TPO: variants seen among roughly 807,000 people sequenced by gnomAD.
TPO encodes thyroid peroxidase.
In TPO, 78 loss-of-function variants were observed where a neutral mutation model predicts 96.9. That is an observed-to-expected ratio of 0.81 (90% CI 0.67 to 0.97). TPO has a LOEUF of 0.97. Among genes scored for constraint, TPO ranks in the 50% least tolerant of loss-of-function variants. TPO has a pLI of 0.00. For synonymous variants in TPO, 547 were observed against 538.0 expected, an observed-to-expected ratio of 1.02 and a Z score of -0.23; for missense variants, 1,252 against 1,274.8, an observed-to-expected ratio of 0.98 and a Z score of 0.27.
intron 7 of TPO, among the ~76,000 whole-genome samples, chr2:1,476,838 C>T (rs1669981039): frequency 1.3e-5 from 2 of 150,474 alleles, no homozygotes; most frequent in South Asian, 2.1e-4. Flanking sequence ...AAGAGACCAC[C>T]GGTGAGCAGG....
chr2:1,392,418 G>A (rs1662016346), intron 1 of TPO, among the ~76,000 whole-genome samples: 1 of 152,172 alleles, frequency 6.6e-6, no homozygotes, highest in Admixed American at 6.5e-5. Context: ...GTATTTTATT[G>A]AGGATTTTTG....
At chr2:1,382,118 C>T (rs1045257878) in intron 1 of TPO, among the ~76,000 whole-genome samples, 3 of 152,154 alleles carry the variant, frequency 2.0e-5, no homozygotes, top group African/African-American at 7.2e-5. Flanking sequence ...TGCATCTCCA[C>T]GACTGCACAG....
At chr2:1,397,365 T>C (rs115017425) in intron 1 of TPO, among the ~76,000 whole-genome samples, 1,873 of 152,260 alleles carry the variant, frequency 0.012, 26 homozygotes, top group South Asian at 0.021. Flanking sequence ...CTGACTTCCA[T>C]AGGTATGTGA....
rs369291109 is a variant in TPO at position 1,438,610 on chromosome 2, G to A, written c.482+2226G>A. ...ACCCTGCCCCACGTCCCTCCTCCAC[G>A]TCAGGGGGATGATGAATTCAGCCAT... On this transcript the variant is annotated intron_variant, in intron 5 of 16. Coordinates refer to ENST00000329066, the MANE Select transcript of TPO (RefSeq NM_001206744.2). Among the ~76,000 whole-genome samples, 7 of 27,216 alleles carry A rather than the reference G, an allele frequency of 2.6e-4. No homozygotes were observed. In the East Asian group the frequency reaches 3.9e-3, roughly 15 times the overall value. The allele number at this position is 27,216 out of a possible 152,430, so 17.9% of individuals were successfully genotyped here.
chr2:1,530,084 C>A (rs1172255057), intron 15 of TPO, among the ~76,000 whole-genome samples: 2 of 144,456 alleles, frequency 1.4e-5, no homozygotes, highest in African/African-American at 5.3e-5. Context: ...GCAACCTCCT[C>A]AAATCCCCCC....
chr2:1,456,052 G>A (rs1363775359), intron 6 of TPO, 24 bp from the exon 7 acceptor site: 2 of 1,610,638 alleles, frequency 1.2e-6, no homozygotes, highest in Non-Finnish European at 8.5e-7. Context: ...CCTATGTCCT[G>A]ACCAATGGTC....
chr2:1,421,887 G>A (rs982200294), intron 2 of TPO, among the ~76,000 whole-genome samples: 1 of 152,188 alleles, frequency 6.6e-6, no homozygotes, highest in Non-Finnish European at 1.5e-5. Context: ...ACACATTGGC[G>A]TAAAGCCAGG....
intron 2 of TPO, among the ~76,000 whole-genome samples, chr2:1,418,267 AGAGT>A (rs1228100824): frequency 6.6e-6 from 1 of 150,866 alleles, no homozygotes; most frequent in Non-Finnish European, 1.5e-5. Context: ...TCTAGGTGAC[AGAGT>A]GAGAATCCAT....
At chr2:1,422,648 T>C (rs1448301355) in intron 2 of TPO, among the ~76,000 whole-genome samples, 1 of 152,206 alleles carries the variant, frequency 6.6e-6, no homozygotes, top group Non-Finnish European at 1.5e-5. Flanking sequence ...AGTGCTTTCA[T>C]TGGAAACTAC....
intron 7 of TPO, among the ~76,000 whole-genome samples, chr2:1,468,087 T>C (rs1280208178): frequency 6.6e-6 from 1 of 151,948 alleles, no homozygotes; most frequent in African/African-American, 2.4e-5. Flanking sequence ...TCCTTATGTG[T>C]TAGGCATGTC....
chr2:1,387,734 C>G (rs1661925402), intron 1 of TPO, among the ~76,000 whole-genome samples: 2 of 152,220 alleles, frequency 1.3e-5, no homozygotes, highest in Admixed American at 6.5e-5. Context: ...CTTTGTCCAG[C>G]TTTGTTCCAT....
In TPO at chr2:1,402,612, G is replaced by T. The variant is rs1662190361; in HGVS notation, n.180+28210G>T. Among the ~76,000 whole-genome samples, 4 of 152,298 alleles carry T rather than the reference G, an allele frequency of 2.6e-5. No individual in the cohort carries two copies. In the South Asian group the frequency reaches 8.3e-4, roughly 32 times the overall value. ...AGGCCTCACAATCATGGCAGAAGGT[G>T]AAAGGCATGTCTTACATGGTGGCAG... On this transcript the variant is annotated intron_variant and non_coding_transcript_variant, in intron 1 of 5. Coordinates refer to the TPO transcript ENST00000497517.
At chr2:1,481,098 C>T (rs1670600849) in intron 8 of TPO, among the ~76,000 whole-genome samples, 1 of 152,128 alleles carries the variant, frequency 6.6e-6, no homozygotes, top group Non-Finnish European at 1.5e-5. Flanking sequence ...GGCTTGAGAT[C>T]CCACAGGACC....
At chr2:1,422,899 A>T in intron 2 of TPO, 146 bp from the exon 3 acceptor site, 2 of 800,950 alleles carry the variant, frequency 2.5e-6, no homozygotes, top group East Asian at 5.3e-5. Context: ...CTGTGGAGGG[A>T]AGCGACCCCG....
intron 4 of TPO, among the ~76,000 whole-genome samples, chr2:1,435,228 C>T (rs568560017): frequency 2.0e-5 from 3 of 152,336 alleles, no homozygotes; most frequent in South Asian, 2.1e-4. Context: ...CCACCGTACC[C>T]GGCCAATGGT....
intron 10 of TPO, among the ~76,000 whole-genome samples, chr2:1,489,075 C>G (rs2124871500): frequency 6.6e-6 from 1 of 152,148 alleles, no homozygotes; most frequent in South Asian, 2.1e-4. Flanking sequence ...CGGCACATGC[C>G]CAGCACATAC....
At chr2:1,392,579 G>T (rs576362368) in intron 1 of TPO, among the ~76,000 whole-genome samples, 1 of 152,280 alleles carries the variant, frequency 6.6e-6, no homozygotes, top group East Asian at 1.9e-4. Context: ...AGAAGGAATG[G>T]TACCAGTTCC....
At position 1,502,788 on chromosome 2, in the gene TPO, G is replaced by A. The variant is rs188919929; in HGVS notation, c.2387-1160G>A. On this transcript the variant is annotated intron_variant, in intron 13 of 16. Transcript: ENST00000329066. ...AGATATCCCTGACACCCTGCTAGTTGTCATAAGCATCGTCTTTGATTCCAC... is the reference window on the plus strand; with the variant it reads ...AGATATCCCTGACACCCTGCTAGTTATCATAAGCATCGTCTTTGATTCCAC... Among the ~76,000 whole-genome samples, 615 of 152,348 alleles carry A rather than the reference G, an allele frequency of 4.0e-3. 1 individual carries two copies. Among genetic ancestry groups the A allele is most frequent in the Non-Finnish European group, 6.6e-3 (451 of 68,042 alleles).
rs200794960 is a variant in TPO, at chr2:1,433,524, G to A, written c.266G>A (p.Arg89Gln). ...GAGCCAACAAGCGGAGTGATTGCCCGAGCAGCAGAGATAATGGAAACATCA... is the reference window on the plus strand; with the variant it reads ...GAGCCAACAAGCGGAGTGATTGCCCAAGCAGCAGAGATAATGGAAACATCA... ...LPEPTSGVIA[R>Q]AAEIMETSIQ... Residue 89 changes from arginine (R) to glutamine (Q), a missense_variant, in exon 4 of 17, where the codon CGA becomes CAA. Arg to Gln is a conservative substitution (Grantham distance 43). Transcript: ENST00000329066. 88 of 1,614,002 alleles carry A rather than the reference G, an allele frequency of 5.5e-5. No homozygotes were observed. The highest frequency in any genetic ancestry group is 6.7e-5 in the Admixed American group (4 of 59,992).
Sources: allele counts gnomAD v4.1 joint callset (sites outside exome capture counted in the v4.1 genomes callset), GRCh38; gene constraint gnomAD v4.1.1; transcripts MANE v1.5; gene names NCBI Gene and HGNC (gene_info 2026-07-23, HGNC 2026-07-21).